The following ZP4 variants were observed in gnomAD, a reference collection of about 807,000 sequenced individuals.
ZP4 encodes zona pellucida sperm-binding protein 4.
ZP4 carries 62 observed loss-of-function variants against 62.3 expected under a neutral mutation model. The ratio of observed to expected loss-of-function variants is 0.99; its 90% CI spans 0.81 to 1.23. The LOEUF (loss-of-function observed/expected upper bound fraction) is 1.23, where lower values mean the gene tolerates loss of function less well. Among genes scored for constraint, ZP4 ranks in the 50% most tolerant of loss-of-function variants. The pLI is 0.00. For missense variants in ZP4, 774 were observed against 656.0 expected (o/e 1.18, Z -1.97); for synonymous variants, 289 against 247.3 (o/e 1.17, Z -1.58).
chr1:237,883,133 T>A (rs192452570), intron 10 of ZP4, among the ~76,000 whole-genome samples: 5 of 152,284 alleles, frequency 3.3e-5, no homozygotes, highest in African/African-American at 9.6e-5. Context: ...TCAGAGATCT[T>A]TCCCTGAAAT....
At chr1:237,886,709 A>G in intron 6 of ZP4, 62 bp downstream of exon 6, 1 of 1,413,782 alleles carries the variant, frequency 7.1e-7, no homozygotes, top group Non-Finnish European at 9.9e-7. Flanking sequence ...TTGTGGATTC[A>G]GGGCTTACCT....
chr1:237,883,115 T>C, intron 10 of ZP4, among the ~76,000 whole-genome samples: 1 of 152,190 alleles, frequency 6.6e-6, no homozygotes. Flanking sequence ...CAGTATCATG[T>C]TTATAATTCA....
chr1:237,885,270 G>C lies in ZP4; in HGVS notation c.1206C>G (p.Val402=), dbSNP rs539123208. ...GAAATGGAAGATCCAAGGCTTTCTG[G>C]ACAGGGATCAGCTGGGTCTGATAGT... ...GDNYQTQLIP[V]QKALDLPFPS... The change falls in exon 9 of 12, where the codon GTC becomes GTG. Residue 402 remains valine (V), a synonymous_variant. Transcript: ENST00000366570. 1 of 1,614,162 alleles carries C rather than the reference G, an allele frequency of 6.2e-7. No individual in the cohort carries two copies. The highest frequency in any genetic ancestry group is 1.1e-5 in the South Asian group (1 of 91,086).
intron 1 of ZP4, 139 bp from the exon 2 acceptor site, chr1:237,890,315 A>G: frequency 6.7e-7 from 1 of 1,492,506 alleles, no homozygotes; most frequent in Non-Finnish European, 9.2e-7. Context: ...GATCAGATGT[A>G]GTTATAACTT....
chr1:237,889,459 C>T (rs1036255803), intron 3 of ZP4, among the ~76,000 whole-genome samples: 1 of 151,976 alleles, frequency 6.6e-6, no homozygotes, highest in African/African-American at 2.4e-5. Flanking sequence ...GCTGGGATTA[C>T]AGGCATGTAC....
At chr1:237,883,639 AGGGCGGGG>A (rs1558529879) in intron 10 of ZP4, among the ~76,000 whole-genome samples, 4 of 7,708 alleles carry the variant, frequency 5.2e-4, no homozygotes, top group Admixed American at 2.2e-3. Flanking sequence ...GGGGAGGGGG[AGGGCGGGG>A]GAGGGCGGGG....
At chr1:237,884,979 G>A (rs1665060896) in intron 9 of ZP4, 132 bp from the exon 10 acceptor site, 2 of 1,211,180 alleles carry the variant, frequency 1.7e-6, no homozygotes, top group Non-Finnish European at 2.3e-6. Flanking sequence ...TATCACAATG[G>A]CACTAAGGAA....
intron 10 of ZP4, among the ~76,000 whole-genome samples, chr1:237,883,728 G>GAGAGAGGAAGAGA (rs1558530153): frequency 4.7e-4 from 9 of 19,212 alleles, no homozygotes; most frequent in African/African-American, 2.0e-3. Context: ...GGAGGGCGGG[G>GAGAGAGGAAGAGA]GAGGGAGAGA....
intron 6 of ZP4, among the ~76,000 whole-genome samples, chr1:237,886,288 G>A (rs1665099067): frequency 6.6e-6 from 1 of 152,168 alleles, no homozygotes; most frequent in South Asian, 2.1e-4. Context: ...GGCTGCAATC[G>A]GGGAATAGTG....
intron 4 of ZP4, among the ~76,000 whole-genome samples, chr1:237,888,052 A>G (rs1257789700): frequency 6.6e-6 from 1 of 152,250 alleles, no homozygotes; most frequent in African/African-American, 2.4e-5. Flanking sequence ...GACTCTCCCT[A>G]AACAATCCAA....
chr1:237,884,987 G>A, intron 9 of ZP4, 140 bp from the exon 10 acceptor site: 1 of 1,200,050 alleles, frequency 8.3e-7, no homozygotes. Flanking sequence ...TGGCACTAAG[G>A]AACTGGAGTC....
At chr1:237,888,818 T>C (rs1023890697) in intron 3 of ZP4, among the ~76,000 whole-genome samples, 8 of 152,196 alleles carry the variant, frequency 5.3e-5, no homozygotes, top group African/African-American at 1.9e-4. Context: ...CCTTCTGTTC[T>C]TTAGAGGCGT....
Position 237,884,011 on chromosome 1 carries a change from CACACAA to C in ZP4, c.1390+752_1390+757del, listed in dbSNP as rs1438159009. Among the ~76,000 whole-genome samples, 697 of 83,416 alleles carry C rather than the reference CACACAA, an allele frequency of 8.4e-3. 17 individuals carry two copies. The highest frequency in any genetic ancestry group is 0.018 in the African/African-American group (330 of 18,626). 54.7% of individuals were successfully genotyped at this position (83,416 alleles called of 152,430 possible). ...ACACACACACACACACACACACACA[CACACAA>C]ACACACACACACACAAACACACACA... On this transcript the variant is annotated intron_variant, in intron 10 of 11. Coordinates refer to ENST00000366570, the MANE Select transcript of ZP4 (RefSeq NM_021186.5).
Position 237,883,530 on chromosome 1 carries a change from C to T in ZP4, c.1391-684G>A, listed in dbSNP as rs186995792. Among the ~76,000 whole-genome samples the T allele has an allele frequency of 3.7e-4, 56 of 150,292 alleles. 1 individual carries two copies. Among genetic ancestry groups the T allele is most frequent in the African/African-American group, 1.3e-3 (52 of 40,740 alleles). On this transcript the variant is annotated intron_variant, in intron 10 of 11. Transcript: ENST00000366570. The stretch of plus-strand genomic sequence containing the variant: ...AGGAGTTCAAGACCAGCCTGGCCAA[C>T]GTGGTGAATCCCTGTCTCTACCAAA...
At chr1:237,884,706 G>A in intron 10 of ZP4, 63 bp downstream of exon 10, 1 of 1,483,850 alleles carries the variant, frequency 6.7e-7, no homozygotes, top group East Asian at 2.3e-5. Context: ...CAGAGACTAG[G>A]AAAGGTTAGA....
In ZP4 at chr1:237,882,858, A is replaced by G; in HGVS notation, c.1391-12T>C. The G allele has an allele frequency of 6.2e-7, 1 of 1,609,484 alleles. No homozygotes were observed. Among genetic ancestry groups the G allele is most frequent in the Non-Finnish European group, 8.5e-7 (1 of 1,176,546 alleles). On this transcript the variant is annotated splice_polypyrimidine_tract_variant and intron_variant, in intron 10 of 11. Coordinates refer to ENST00000366570, the MANE Select transcript of ZP4 (RefSeq NM_021186.5). ...AAAATTTCTTCTTCCTGTTAGAGAAATGAGACCTAGTAATTCATTAGTTTT... is the reference window on the plus strand; with the variant it reads ...AAAATTTCTTCTTCCTGTTAGAGAAGTGAGACCTAGTAATTCATTAGTTTT...
intron 3 of ZP4, among the ~76,000 whole-genome samples, chr1:237,889,004 C>A (rs1323511384): frequency 6.6e-6 from 1 of 152,150 alleles, no homozygotes; most frequent in East Asian, 1.9e-4. Flanking sequence ...TCTGTTCTGA[C>A]TTTGAGGACG....
At chr1:237,885,968 G>A in intron 6 of ZP4, 82 bp from the exon 7 acceptor site, 1 of 1,568,566 alleles carries the variant, frequency 6.4e-7, no homozygotes, top group Non-Finnish European at 8.7e-7. Context: ...CTCAAGGAAA[G>A]CATTAAGTGC....
At chr1:237,884,063 AACACACACAAACACACACAAACAC>A (rs1665037403) in intron 10 of ZP4, among the ~76,000 whole-genome samples, 1 of 137,940 alleles carries the variant, frequency 7.2e-6, no homozygotes, top group African/African-American at 3.1e-5. Context: ...AACACACACA[AACACACACAAACACACACAAACAC>A]ACACAAACAG....
Sources: gnomAD v4.1 joint callset for allele counts (sites outside exome capture counted in the v4.1 genomes callset) on GRCh38, gnomAD v4.1.1 for gene constraint, MANE v1.5 for transcripts, NCBI Gene and HGNC (gene_info 2026-07-23, HGNC 2026-07-21) for gene names.